The following FRK variants were observed in gnomAD, a reference collection of about 807,000 sequenced individuals.
FRK encodes the protein fyn related Src family tyrosine kinase.
A neutral mutation model predicts 56.4 loss-of-function variants in FRK; 51 were observed. That is an observed-to-expected ratio of 0.90 (90% confidence interval 0.72 to 1.14). The LOEUF (loss-of-function observed/expected upper bound fraction) is 1.14. Among genes scored for constraint, FRK ranks in the 50% most tolerant of loss-of-function variants. The pLI, the probability that FRK is intolerant of heterozygous loss-of-function variation, is 0.00. For synonymous variants in FRK, 245 were observed against 217.9 expected (o/e 1.12, Z -1.10); for missense variants, 570 against 601.4 (o/e 0.95, Z 0.55).
the FRK span, among the ~76,000 whole-genome samples, chr6:116,096,442 TG>T: frequency 4.6e-5 from 7 of 152,196 alleles, no homozygotes; most frequent in African/African-American, 1.7e-4. Flanking sequence ...ATCAGCACTC[TG>T]TAAAAACACA....
At chr6:116,082,514 T>C in the FRK span, among the ~76,000 whole-genome samples, 1 of 152,006 alleles carries the variant, frequency 6.6e-6, no homozygotes, top group Non-Finnish European at 1.5e-5. Context: ...ATCCAAGCAG[T>C]GAAGTTAGAA....
At chr6:116,035,869 T>C (rs1457171917) in intron 1 of FRK, among the ~76,000 whole-genome samples, 2 of 152,022 alleles carry the variant, frequency 1.3e-5, no homozygotes. Flanking sequence ...TAGAGAGAGA[T>C]TGTTTGACAC....
intron 1 of FRK, 84 bp downstream of exon 1, chr6:116,059,883 AG>A: frequency 3.5e-6 from 4 of 1,151,374 alleles, no homozygotes; most frequent in Non-Finnish European, 5.0e-6. Flanking sequence ...TTTGGACATT[AG>A]GGGGTTGTAG....
intron 3 of FRK, 54 bp downstream of exon 3, chr6:115,968,522 C>A: frequency 6.4e-7 from 1 of 1,572,010 alleles, no homozygotes. Context: ...ACTCAGATAT[C>A]TGAAGGAAAA....
intron 2 of FRK, among the ~76,000 whole-genome samples, chr6:115,997,558 C>T (rs2114678476): frequency 6.6e-6 from 1 of 152,190 alleles, no homozygotes; most frequent in African/African-American, 2.4e-5. Context: ...TCCTTAATAC[C>T]TCATTTAGCC....
At chr6:115,976,973 G>A (rs994683018) in intron 2 of FRK, among the ~76,000 whole-genome samples, 1 of 152,066 alleles carries the variant, frequency 6.6e-6, no homozygotes, top group Non-Finnish European at 1.5e-5. Flanking sequence ...AGCATATTAA[G>A]CTAAGAAATT....
intron 1 of FRK, among the ~76,000 whole-genome samples, chr6:116,011,998 C>T (rs1260323202): frequency 6.6e-6 from 1 of 152,154 alleles, no homozygotes; most frequent in African/African-American, 2.4e-5. Context: ...AAATAATGCT[C>T]GCAATTATTT....
At position 115,957,806 on chromosome 6, in the gene FRK, G is replaced by C. The variant is rs113678759; in HGVS notation, c.800-1196C>G. ...TGCCACTAGTGCCCTGTGTGATCTT[G>C]AGCAAGTTATCAAACCTCTCTAAAC... On this transcript the variant is annotated intron_variant, in intron 4 of 7. Coordinates refer to ENST00000606080, the MANE Select transcript of FRK (RefSeq NM_002031.3). Among the ~76,000 whole-genome samples the C allele has an allele frequency of 5.8e-3, 888 of 152,266 alleles. 6 individuals carry two copies. The highest frequency in any genetic ancestry group is 0.02 in the African/African-American group (840 of 41,548).
At chr6:116,088,538 C>A in the FRK span, among the ~76,000 whole-genome samples, 25 of 152,176 alleles carry the variant, frequency 1.6e-4, no homozygotes, top group Non-Finnish European at 3.1e-4. Flanking sequence ...CATATGTACA[C>A]ACATATAATT....
chr6:115,988,477 GTT>G (rs1356849171), intron 2 of FRK, among the ~76,000 whole-genome samples: 1 of 151,954 alleles, frequency 6.6e-6, no homozygotes, highest in Non-Finnish European at 1.5e-5. Context: ...TTGTACATTT[GTT>G]TTCAACTAAA....
Position 115,958,634 on chromosome 6 carries a change from GGAAAGAAAGAAAAGAAAGAAAGAAA to G in FRK, c.800-2049_800-2025del, listed in dbSNP as rs1271479562. On this transcript the variant is annotated intron_variant, in intron 4 of 7. Coordinates refer to ENST00000606080, the MANE Select transcript of FRK (RefSeq NM_002031.3). Reference sequence around the variant, plus strand: ...TAGAGTGAGACTCTGTCTCAAAAAAGGAAAGAAAGAAAAGAAAGAAAGAAAGAAAGAAAGAAAGAAAGAAAGAAAG... The same window carrying G: ...TAGAGTGAGACTCTGTCTCAAAAAAGGAAAGAAAGAAAGAAAGAAAGAAAG... Among the ~76,000 whole-genome samples the G allele has an allele frequency of 5.6e-4, 31 of 55,756 alleles. 3 individuals carry two copies. In the East Asian group the frequency reaches 6.6e-3, roughly 12 times the overall value. The allele number at this position is 55,756 out of a possible 152,430, so 36.6% of individuals were successfully genotyped here. A position where few individuals can be genotyped will look rare whatever the true frequency, so the allele number is the denominator to read the frequency against.
At chr6:115,969,483 T>C (rs767637994) in intron 2 of FRK, among the ~76,000 whole-genome samples, 12 of 152,128 alleles carry the variant, frequency 7.9e-5, no homozygotes, top group Non-Finnish European at 1.6e-4. Flanking sequence ...CCACCTACCA[T>C]TGACCCTTCT....
intron 2 of FRK, among the ~76,000 whole-genome samples, chr6:115,993,725 T>C (rs1340053018): frequency 6.6e-6 from 1 of 152,056 alleles, no homozygotes; most frequent in Admixed American, 6.6e-5. Flanking sequence ...TAACTATTGC[T>C]TGCATTTAAT....
intron 5 of FRK, among the ~76,000 whole-genome samples, chr6:115,945,022 C>T (rs761730720): frequency 6.6e-6 from 1 of 152,108 alleles, no homozygotes; most frequent in Non-Finnish European, 1.5e-5. Context: ...CAGCTCCATC[C>T]ATGTTGCTGC....
intron 2 of FRK, among the ~76,000 whole-genome samples, chr6:116,002,484 G>C (rs1314553122): frequency 6.6e-6 from 1 of 152,170 alleles, no homozygotes; most frequent in South Asian, 2.1e-4. Context: ...AGGCATAGTG[G>C]CACGCGCCTG....
At chr6:116,030,729 C>CT (rs775122197) in intron 1 of FRK, among the ~76,000 whole-genome samples, 21 of 152,122 alleles carry the variant, frequency 1.4e-4, no homozygotes, top group Non-Finnish European at 2.6e-4. Context: ...CATCTGTATC[C>CT]TTTACAATAT....
Position 115,940,300 on chromosome 6 carries a change from C to T in FRK, c.*2114G>A, listed in dbSNP as rs1772132847. The T allele has an allele frequency of 6.6e-6, 1 of 152,150 alleles. No homozygotes were observed. Among genetic ancestry groups the T allele is most frequent in the African/African-American group, 2.4e-5 (1 of 41,424 alleles). 9.4% of individuals were successfully genotyped at this position (152,150 alleles called of 1,614,324 possible). Reference sequence around the variant, plus strand: ...ATATGCAGAAAACTGAAACTGGACCCCTTCCTTACACCTATACAAAAATTA... The same window carrying T: ...ATATGCAGAAAACTGAAACTGGACCTCTTCCTTACACCTATACAAAAATTA... On this transcript the variant is annotated 3_prime_UTR_variant, in exon 8 of 8. Transcript: ENST00000606080.
In FRK at chr6:116,011,655, T is replaced by A. The variant is rs368058542; in HGVS notation, c.345-7657A>T. ...ATGGGTAAAACACCTATTGTCCTCATGAATGTGACTTGGCAGGCATCGCTG... is the reference window on the plus strand; with the variant it reads ...ATGGGTAAAACACCTATTGTCCTCAAGAATGTGACTTGGCAGGCATCGCTG... On this transcript the variant is annotated intron_variant, in intron 1 of 7. Transcript: ENST00000606080. Among the ~76,000 whole-genome samples the A allele has an allele frequency of 2.0e-5, 3 of 152,316 alleles. No individual in the cohort carries two copies. In the East Asian group the frequency reaches 5.8e-4, roughly 29 times the overall value.
At chr6:115,947,026 G>A (rs1772482420) in intron 5 of FRK, among the ~76,000 whole-genome samples, 1 of 152,016 alleles carries the variant, frequency 6.6e-6, no homozygotes, top group African/African-American at 2.4e-5. Flanking sequence ...TAATCAAGAA[G>A]GAAGACAAGA....
Sources: gnomAD v4.1 joint callset for allele counts (sites outside exome capture counted in the v4.1 genomes callset) on GRCh38, gnomAD v4.1.1 for gene constraint, MANE v1.5 for transcripts, NCBI Gene and HGNC (gene_info 2026-07-23, HGNC 2026-07-21) for gene names.